GFRA1: variants seen among roughly 807,000 people sequenced by gnomAD.
The protein encoded by GFRA1 is GDNF family receptor alpha 1.
GFRA1 carries 16 observed loss-of-function variants against 51.6 expected under a neutral mutation model. The ratio of observed to expected loss-of-function variants is 0.31; its 90% CI spans 0.21 to 0.47. GFRA1 has a LOEUF of 0.47. GFRA1 is among the 20% of genes least tolerant of loss of function. The pLI, the probability that GFRA1 is intolerant of heterozygous loss-of-function variation, is 1.00. For synonymous variants in GFRA1, 270 were observed against 241.3 expected (o/e 1.12, Z -1.10); for missense variants, 530 against 594.3 (o/e 0.89, Z 1.13).
At chr10:116,071,231 C>T (rs145097467) in intron 9 of GFRA1, among the ~76,000 whole-genome samples, 1 of 152,246 alleles carries the variant, frequency 6.6e-6, no homozygotes, top group African/African-American at 2.4e-5. Context: ...TACCACTGAG[C>T]CTGGGACTGT....
rs1265528540 is a variant in GFRA1, at chr10:116,062,425, T to C, written c.*1973A>G. On this transcript the variant is annotated 3_prime_UTR_variant, in exon 11 of 11. Coordinates refer to ENST00000355422, the MANE Select transcript of GFRA1 (RefSeq NM_005264.8). ...CTGCTGAATTTCCCTTGAAAACATTTTGAAGTGAAAAAAGTCAGTACTGAG... is the reference window on the plus strand; with the variant it reads ...CTGCTGAATTTCCCTTGAAAACATTCTGAAGTGAAAAAAGTCAGTACTGAG... 1 of 287,560 alleles carries C rather than the reference T, an allele frequency of 3.5e-6. No individual in the cohort carries two copies. Among genetic ancestry groups the C allele is most frequent in the Non-Finnish European group, 6.4e-6 (1 of 157,024 alleles). The allele number at this position is 287,560 out of a possible 1,614,324, so 17.8% of individuals were successfully genotyped here. A position where few individuals can be genotyped will look rare whatever the true frequency, so the allele number is the denominator to read the frequency against.
chr10:116,209,827 C>T (rs981438406), intron 5 of GFRA1, among the ~76,000 whole-genome samples: 9 of 151,914 alleles, frequency 5.9e-5, no homozygotes, highest in East Asian at 1.9e-4. Context: ...TGGGTACCAG[C>T]GGGCGAGTTC....
At chr10:116,274,366 A>G (rs1267140930), upstream of GFRA1, among the ~76,000 whole-genome samples, 2 of 152,122 alleles carry the variant, frequency 1.3e-5, no homozygotes, top group Non-Finnish European at 2.9e-5. Context: ...CTGCAAACCT[A>G]TCACGCCAGA....
intron 5 of GFRA1, among the ~76,000 whole-genome samples, chr10:116,141,967 A>G (rs192414578): frequency 6.6e-6 from 1 of 152,294 alleles, no homozygotes; most frequent in East Asian, 1.9e-4. Context: ...CTTCTTAGAC[A>G]AGAGATGTGT....
At chr10:116,224,259 T>G (rs1450251910) in intron 4 of GFRA1, among the ~76,000 whole-genome samples, 2 of 152,200 alleles carry the variant, frequency 1.3e-5, no homozygotes, top group Non-Finnish European at 1.5e-5. Context: ...TCAAATGGTA[T>G]AGCCACTTTG....
At position 116,196,843 on chromosome 10, in the gene GFRA1, A is replaced by T. The variant is rs1457893001; in HGVS notation, c.433+14788T>A. Among the ~76,000 whole-genome samples, 187 of 80,204 alleles carry T rather than the reference A, an allele frequency of 2.3e-3. 1 individual carries two copies. The East Asian group carries it at 0.026, about 11-fold the overall frequency. 52.6% of individuals were successfully genotyped at this position (80,204 alleles called of 152,430 possible). ...TAAAAATACTTATAAATATATATAT[A>T]TATATTTTTTTTCCCTCCCACAGTT... On this transcript the variant is annotated intron_variant, in intron 5 of 10. Transcript: ENST00000355422.
intron 4 of GFRA1, among the ~76,000 whole-genome samples, chr10:116,231,340 T>C (rs1966664847): frequency 6.6e-6 from 1 of 152,194 alleles, no homozygotes; most frequent in Non-Finnish European, 1.5e-5. Context: ...CCTCAGTTTC[T>C]TCATGTCTTA....
intron 4 of GFRA1, among the ~76,000 whole-genome samples, chr10:116,231,891 C>A (rs1299334300): frequency 6.6e-6 from 1 of 152,198 alleles, no homozygotes; most frequent in Non-Finnish European, 1.5e-5. Flanking sequence ...ACTGCACTTC[C>A]TTCGGCAAGT....
At chr10:116,077,873 C>T (rs1955684962) in intron 9 of GFRA1, among the ~76,000 whole-genome samples, 1 of 152,236 alleles carries the variant, frequency 6.6e-6, no homozygotes. Flanking sequence ...TAAGAGTCAG[C>T]TTCCTATGTT....
intron 6 of GFRA1, among the ~76,000 whole-genome samples, chr10:116,119,162 G>A (rs1428000089): frequency 1.3e-5 from 2 of 152,282 alleles, no homozygotes; most frequent in East Asian, 3.9e-4. Context: ...CACTCTGGAA[G>A]AGCCAGCAGG....
At chr10:116,255,373 G>C (rs568682633) in intron 4 of GFRA1, among the ~76,000 whole-genome samples, 41 of 151,910 alleles carry the variant, frequency 2.7e-4, no homozygotes, top group Non-Finnish European at 5.4e-4. Flanking sequence ...AATTTGGAAA[G>C]CAAGAAGGAA....
intron 4 of GFRA1, among the ~76,000 whole-genome samples, chr10:116,243,675 G>T (rs1230551075): frequency 6.6e-6 from 1 of 152,000 alleles, no homozygotes; most frequent in Admixed American, 6.6e-5. Context: ...ATATATATCT[G>T]GGAGTGGGGT....
At chr10:116,256,176 A>G (rs1460289701) in intron 4 of GFRA1, among the ~76,000 whole-genome samples, 1 of 152,206 alleles carries the variant, frequency 6.6e-6, no homozygotes, top group Non-Finnish European at 1.5e-5. Context: ...AGAACGTTGC[A>G]AGTAACTATT....
At chr10:116,203,420 T>C (rs997853094) in intron 5 of GFRA1, among the ~76,000 whole-genome samples, 2 of 151,942 alleles carry the variant, frequency 1.3e-5, no homozygotes, top group Non-Finnish European at 2.9e-5. Context: ...AATCAGAAAA[T>C]AGGCTCCACA....
chr10:116,080,407 CTGGGTGA>C (rs1486337893), intron 9 of GFRA1, among the ~76,000 whole-genome samples: 1 of 152,096 alleles, frequency 6.6e-6, no homozygotes, highest in Non-Finnish European at 1.5e-5. Context: ...TGTATACTGC[CTGGGTGA>C]TGGGTGCACC....
At chr10:116,227,005 A>T (rs1966345277) in intron 4 of GFRA1, among the ~76,000 whole-genome samples, 2 of 152,138 alleles carry the variant, frequency 1.3e-5, no homozygotes, top group Admixed American at 6.5e-5. Flanking sequence ...AGCTTCACTC[A>T]CTTGCCTGCT....
intron 4 of GFRA1, among the ~76,000 whole-genome samples, chr10:116,242,355 C>T (rs1230398985): frequency 3.9e-5 from 6 of 152,122 alleles, no homozygotes; most frequent in South Asian, 2.1e-4. Flanking sequence ...TCTTTTTAAA[C>T]GCAACATTCT....
intron 5 of GFRA1, among the ~76,000 whole-genome samples, chr10:116,181,461 T>C (rs1198193496): frequency 1.3e-5 from 2 of 152,176 alleles, no homozygotes; most frequent in Non-Finnish European, 2.9e-5. Flanking sequence ...CTGCCATCCA[T>C]CTCAACACCT....
chr10:116,065,855 G>A (rs982568887), intron 9 of GFRA1, among the ~76,000 whole-genome samples: 8 of 151,876 alleles, frequency 5.3e-5, no homozygotes, highest in East Asian at 3.9e-4. Flanking sequence ...ATTTCAAAAC[G>A]TACTCAATAT....
Sources: allele counts gnomAD v4.1 joint callset (sites outside exome capture counted in the v4.1 genomes callset), GRCh38; gene constraint gnomAD v4.1.1; transcripts MANE v1.5; gene names NCBI Gene and HGNC (gene_info 2026-07-23, HGNC 2026-07-21).